The following NOTCH2NLA variants were observed in gnomAD, a reference collection of about 807,000 sequenced individuals.
NOTCH2NLA encodes the protein notch 2 N-terminal like A.
intron 1 of NOTCH2NLA, among the ~76,000 whole-genome samples, chr1:146,200,630 C>T (rs1663377665): frequency 8.3e-6 from 1 of 119,930 alleles, no homozygotes; most frequent in African/African-American, 3.3e-5. Flanking sequence ...AAATCAGTTC[C>T]TCTTAAAAAC....
intron 1 of NOTCH2NLA, among the ~76,000 whole-genome samples, chr1:146,195,072 C>G (rs1232678706): frequency 9.1e-6 from 1 of 110,150 alleles, no homozygotes; most frequent in Non-Finnish European, 1.8e-5. Flanking sequence ...ACACTCATGA[C>G]TCTCAATTCA....
intron 2 of NOTCH2NLA, among the ~76,000 whole-genome samples, chr1:146,187,922 T>A (rs1662864060): frequency 1.5e-5 from 2 of 136,496 alleles, no homozygotes; most frequent in African/African-American, 2.5e-5. Flanking sequence ...CAATGTTATC[T>A]TTATTCCAAT....
chr1:146,180,698 T>C lies in NOTCH2NLA; in HGVS notation c.38+8602A>G, dbSNP rs587666115. 2.0e-3 allele frequency among the ~76,000 whole-genome samples: 289 copies of C among 142,860 alleles called. 6 individuals carry two copies. Among genetic ancestry groups the C allele is most frequent in the Admixed American group, 5.1e-3 (71 of 14,032 alleles). The allele number at this position is 142,860 out of a possible 152,430, so 93.7% of individuals were successfully genotyped here. On this transcript the variant is annotated intron_variant, in intron 2 of 4. Transcript: ENST00000362074. The stretch of plus-strand genomic sequence containing the variant: ...GTGCACACGTGTGCATACACACATA[T>C]GACAGGAGGACGGAGAGACACTAAA...
At chr1:146,166,156 ACT>A (rs1420014657) in intron 2 of NOTCH2NLA, among the ~76,000 whole-genome samples, 28 of 96,842 alleles carry the variant, frequency 2.9e-4, no homozygotes, top group South Asian at 2.3e-3. Context: ...TTTAAACCAA[ACT>A]CTAAATCCCC....
intron 2 of NOTCH2NLA, among the ~76,000 whole-genome samples, chr1:146,182,392 GTC>G: frequency 1.5e-5 from 2 of 137,560 alleles, no homozygotes; most frequent in Non-Finnish European, 3.4e-5. Flanking sequence ...CTTCCATATA[GTC>G]TCTCTCTCAC....
chr1:146,219,424 A>C (rs1664002236), intron 1 of NOTCH2NLA, among the ~76,000 whole-genome samples: 1 of 114,112 alleles, frequency 8.8e-6, no homozygotes, highest in Non-Finnish European at 1.7e-5. Context: ...TATGAAATGA[A>C]CAATTTTTAT....
intron 1 of NOTCH2NLA, among the ~76,000 whole-genome samples, chr1:146,199,049 GT>G (rs1450087047): frequency 2.5e-3 from 202 of 80,980 alleles, no homozygotes; most frequent in Admixed American, 5.8e-3. Context: ...GATTACAGGC[GT>G]GAGCCACCGC....
rs1484074071 is a variant in NOTCH2NLA at position 146,171,418 on chromosome 1, G to A, written c.39-6408C>T. Among the ~76,000 whole-genome samples the A allele has an allele frequency of 4.1e-4, 58 of 140,114 alleles. 1 individual carries two copies. The highest frequency in any genetic ancestry group is 1.2e-3 in the African/African-American group (50 of 40,718). 91.9% of individuals were successfully genotyped at this position (140,114 alleles called of 152,430 possible). A position where few individuals can be genotyped will look rare whatever the true frequency, so the allele number is the denominator to read the frequency against. Reference sequence around the variant, plus strand: ...TGCACTCCAGCCTGGGCAACAGAGCGAGACTCCCTCTCAAAAAAAAAAAAA... The same window carrying A: ...TGCACTCCAGCCTGGGCAACAGAGCAAGACTCCCTCTCAAAAAAAAAAAAA... On this transcript the variant is annotated intron_variant, in intron 2 of 4. Coordinates refer to ENST00000362074, the Ensembl canonical transcript of NOTCH2NLA.
chr1:146,186,851 GAAAT>G (rs1282061290), intron 2 of NOTCH2NLA, among the ~76,000 whole-genome samples: 1 of 135,072 alleles, frequency 7.4e-6, no homozygotes, highest in Admixed American at 7.7e-5. Flanking sequence ...AATGCTATGT[GAAAT>G]AAATAAATTT....
intron 2 of NOTCH2NLA, among the ~76,000 whole-genome samples, chr1:146,187,515 T>C (rs1298232169): frequency 2.2e-5 from 3 of 136,082 alleles, no homozygotes; most frequent in Non-Finnish European, 3.4e-5. Flanking sequence ...ATAAGAAACA[T>C]GTGCATGACG....
chr1:146,195,116 AC>A lies in NOTCH2NLA; in HGVS notation c.-44-5736del, dbSNP rs1663115204. On this transcript the variant is annotated intron_variant, in intron 1 of 4. Coordinates refer to ENST00000362074, the Ensembl canonical transcript of NOTCH2NLA. ...GGGTCTTCTAGCTCTCTGCTTTTTC[AC>A]TTTTAAGTTCCTGGGATATGGAAAA... 1.8e-5 allele frequency among the ~76,000 whole-genome samples: 2 copies of A among 109,750 alleles called. 1 individual carries two copies. The highest frequency in any genetic ancestry group is 3.7e-5 in the Non-Finnish European group (2 of 54,056). 72.0% of individuals were successfully genotyped at this position (109,750 alleles called of 152,430 possible).
rs1405871073 is a variant in NOTCH2NLA, at chr1:146,182,378, T to A, written c.38+6922A>T. Among the ~76,000 whole-genome samples, 2 of 136,442 alleles carry A rather than the reference T, an allele frequency of 1.5e-5. 1 individual carries two copies. The allele number at this position is 136,442 out of a possible 152,430, so 89.5% of individuals were successfully genotyped here. On this transcript the variant is annotated intron_variant, in intron 2 of 4. Transcript: ENST00000362074. ...TCTTGAGTGAATTATTTAACTTCTC[T>A]TAGCTTCCATATAGTCTCTCTCTCA... is the stretch of plus-strand genomic sequence containing the variant.
downstream of NOTCH2NLA, chr1:146,154,369 TA>T (rs1232280771): frequency 6.5e-5 from 9 of 139,108 alleles, no homozygotes; most frequent in Non-Finnish European, 1.4e-4. Flanking sequence ...TGAAAAATAA[TA>T]CCTGGTCCCA....
chr1:146,157,457 A>C (rs1421466721), intron 3 of NOTCH2NLA, among the ~76,000 whole-genome samples: 4 of 130,168 alleles, frequency 3.1e-5, no homozygotes, highest in Admixed American at 8.0e-5. Context: ...ACTCCATTTC[A>C]AAAAAAAAAA....
At chr1:146,180,437 T>C (rs2746782) in intron 2 of NOTCH2NLA, among the ~76,000 whole-genome samples, 68,528 of 134,486 alleles carry the variant, frequency 0.51, 14,535 homozygotes, top group African/African-American at 0.7. Context: ...AAGAGCATTT[T>C]GAGCAGAAAT....
At chr1:146,207,801 CCCAATA>C (rs1181984380) in intron 1 of NOTCH2NLA, among the ~76,000 whole-genome samples, 1 of 102,674 alleles carries the variant, frequency 9.7e-6, no homozygotes, top group Non-Finnish European at 2.2e-5. Context: ...ATTAGACAGG[CCCAATA>C]CCACTTTCTT....
chr1:146,185,830 G>T (rs1453144001), intron 2 of NOTCH2NLA, among the ~76,000 whole-genome samples: 1 of 135,286 alleles, frequency 7.4e-6, no homozygotes, highest in Non-Finnish European at 1.7e-5. Context: ...ATAATCACAT[G>T]CCCTGCATGC....
At chr1:146,226,137 AAG>A (rs1256883472) in intron 1 of NOTCH2NLA, among the ~76,000 whole-genome samples, 13 of 147,460 alleles carry the variant, frequency 8.8e-5, no homozygotes, top group African/African-American at 3.1e-4. Context: ...TCAGAAAAAT[AAG>A]AGAGACTAGG....
At chr1:146,159,435 GAAAGA>G (rs1347921879) in intron 3 of NOTCH2NLA, among the ~76,000 whole-genome samples, 1 of 149,136 alleles carries the variant, frequency 6.7e-6, no homozygotes, top group Non-Finnish European at 1.5e-5. Flanking sequence ...AAGAAAGAAA[GAAAGA>G]AAGAAAGAGA....
Sources: gnomAD v4.1 joint callset for allele counts (sites outside exome capture counted in the v4.1 genomes callset) on GRCh38, gnomAD v4.1.1 for gene constraint, MANE v1.5 for transcripts, NCBI Gene and HGNC (gene_info 2026-07-23, HGNC 2026-07-21) for gene names.